Variants in ARHGAP39 observed in about 807,000 individuals in gnomAD.
ARHGAP39 encodes the protein rho GTPase-activating protein 39.
In ARHGAP39, 44 loss-of-function variants were observed where a neutral mutation model predicts 106.9. The ratio of observed to expected loss-of-function variants is 0.41; its 90% CI spans 0.32 to 0.53. The LOEUF (loss-of-function observed/expected upper bound fraction) is 0.53, where lower values mean the gene tolerates loss of function less well. Among genes scored for constraint, ARHGAP39 ranks in the 20% least tolerant of loss-of-function variants. The pLI, the probability that ARHGAP39 is intolerant of heterozygous loss-of-function variation, is 0.21. For missense variants in ARHGAP39, 1,496 were observed against 1,577.3 expected (o/e 0.95, Z 0.87); for synonymous variants, 768 against 693.2 (o/e 1.11, Z -1.69).
At chr8:144,534,321 T>A in intron 7 of ARHGAP39, 119 bp from the exon 8 acceptor site, 1 of 1,093,972 alleles carries the variant, frequency 9.1e-7, no homozygotes, top group East Asian at 2.4e-5. Flanking sequence ...CTTGCCCCGG[T>A]CACCCCCTGC....
chr8:144,654,912 C>A (rs368959012), intron 1 of ARHGAP39, among the ~76,000 whole-genome samples: 4 of 151,376 alleles, frequency 2.6e-5, no homozygotes, highest in African/African-American at 7.3e-5. Context: ...TCCTGCTCCA[C>A]GGAGCAGGCA....
intron 4 of ARHGAP39, among the ~76,000 whole-genome samples, chr8:144,553,869 G>A (rs2721159): frequency 0.019 from 2,933 of 152,346 alleles, 89 homozygotes; most frequent in African/African-American, 0.068. Context: ...CAATGCAGTG[G>A]CAAGGCCTCT....
intron 1 of ARHGAP39, among the ~76,000 whole-genome samples, chr8:144,622,369 C>T (rs532445795): frequency 2.0e-5 from 3 of 152,150 alleles, no homozygotes; most frequent in Admixed American, 6.5e-5. Context: ...CAGCCCCACC[C>T]GCCACAGGCT....
At chr8:144,620,954 C>T (rs939019856) in intron 1 of ARHGAP39, among the ~76,000 whole-genome samples, 1 of 152,282 alleles carries the variant, frequency 6.6e-6, no homozygotes, top group Non-Finnish European at 1.5e-5. Flanking sequence ...AAACGCCAGG[C>T]ACAGACCCGT....
At chr8:144,620,436 C>T (rs1440154465) in intron 1 of ARHGAP39, among the ~76,000 whole-genome samples, 1 of 101,912 alleles carries the variant, frequency 9.8e-6, no homozygotes. Flanking sequence ...CGTGTGTGCC[C>T]GTGTCTGTTA....
intron 6 of ARHGAP39, 124 bp downstream of exon 6, chr8:144,545,125 G>A (rs1586885473): frequency 2.3e-6 from 2 of 887,618 alleles, no homozygotes; most frequent in Middle Eastern, 3.7e-4. Flanking sequence ...TTTGGGAGGT[G>A]TGTGTCGAAC....
intron 1 of ARHGAP39, among the ~76,000 whole-genome samples, chr8:144,682,548 CAAAAAAA>C (rs1041779842): frequency 7.0e-4 from 49 of 70,194 alleles, no homozygotes; most frequent in Non-Finnish European, 1.3e-3. Context: ...GACTCTGTCT[CAAAAAAA>C]AAAAAAAAAA....
chr8:144,546,063 A>C (rs1234334314), intron 5 of ARHGAP39, among the ~76,000 whole-genome samples: 1 of 152,198 alleles, frequency 6.6e-6, no homozygotes, highest in African/African-American at 2.4e-5. Flanking sequence ...TGGGTGACCC[A>C]GGTGACCTGG....
intron 3 of ARHGAP39, among the ~76,000 whole-genome samples, chr8:144,564,013 G>T (rs1818302386): frequency 6.6e-6 from 1 of 152,144 alleles, no homozygotes; most frequent in African/African-American, 2.4e-5. Flanking sequence ...TTCCCATGGT[G>T]TCTAAAATTA....
chr8:144,630,316 T>C (rs1266815346), intron 1 of ARHGAP39, among the ~76,000 whole-genome samples: 3 of 152,238 alleles, frequency 2.0e-5, no homozygotes, highest in Non-Finnish European at 4.4e-5. Context: ...TGTCTGGAAA[T>C]GTCTTCATTC....
At chr8:144,657,611 T>C (rs1226429240) in intron 1 of ARHGAP39, among the ~76,000 whole-genome samples, 1 of 152,154 alleles carries the variant, frequency 6.6e-6, no homozygotes. Flanking sequence ...CTTTAGCAAA[T>C]TGAATCCAGC....
chr8:144,686,161 C>G (rs909016945), upstream of ARHGAP39, among the ~76,000 whole-genome samples: 2 of 151,998 alleles, frequency 1.3e-5, no homozygotes, highest in African/African-American at 4.8e-5. Context: ...GTAATTTTGC[C>G]CTCTCAAACC....
chr8:144,568,865 T>C (rs186049045), intron 3 of ARHGAP39, among the ~76,000 whole-genome samples: 1 of 149,612 alleles, frequency 6.7e-6, no homozygotes, highest in Admixed American at 6.6e-5. Flanking sequence ...GCTCGATTAG[T>C]GCAGAAGGAA....
At chr8:144,681,604 T>A (rs1298535234) in intron 1 of ARHGAP39, among the ~76,000 whole-genome samples, 1 of 152,176 alleles carries the variant, frequency 6.6e-6, no homozygotes, top group Non-Finnish European at 1.5e-5. Context: ...GAGGCTGCAT[T>A]CTCTGAACTA....
chr8:144,632,240 C>T (rs1821079511), intron 1 of ARHGAP39, among the ~76,000 whole-genome samples: 1 of 152,184 alleles, frequency 6.6e-6, no homozygotes, highest in South Asian at 2.1e-4. Context: ...GCTATAAGTT[C>T]ACAGAACAGG....
chr8:144,587,963 G>C (rs1254397116), intron 2 of ARHGAP39, among the ~76,000 whole-genome samples: 1 of 152,226 alleles, frequency 6.6e-6, no homozygotes, highest in Middle Eastern at 3.2e-3. Flanking sequence ...TTTTTACACA[G>C]ATCAGCCTCC....
upstream of ARHGAP39, among the ~76,000 whole-genome samples, chr8:144,688,787 A>G (rs1822686410): frequency 1.3e-5 from 2 of 152,212 alleles, no homozygotes; most frequent in South Asian, 4.1e-4. Flanking sequence ...GTGGTATAAC[A>G]TAGTAAAGAT....
chr8:144,628,290 G>A (rs989043936), intron 1 of ARHGAP39, among the ~76,000 whole-genome samples: 3 of 152,100 alleles, frequency 2.0e-5, no homozygotes, highest in East Asian at 3.9e-4. Context: ...TGGGCTGTCA[G>A]TGAACATTTG....
rs973134323 is a variant in ARHGAP39, at chr8:144,555,497, G to T, written c.596+63C>A. ...GCCAGGCACCTCCCACTTGCAGTTA[G>T]CCTGGCTCACTGAGGAAGCCGCCCT... On this transcript the variant is annotated intron_variant, in intron 4 of 11. Transcript: ENST00000377307. 14 of 1,418,028 alleles carry T rather than the reference G, an allele frequency of 9.9e-6. No individual in the cohort carries two copies. In the African/African-American group the frequency reaches 2.0e-4, roughly 20 times the overall value. The allele number at this position is 1,418,028 out of a possible 1,614,324, so 87.8% of individuals were successfully genotyped here.
Sources: gnomAD v4.1 joint callset for allele counts (sites outside exome capture counted in the v4.1 genomes callset) on GRCh38, gnomAD v4.1.1 for gene constraint, MANE v1.5 for transcripts, NCBI Gene and HGNC (gene_info 2026-07-23, HGNC 2026-07-21) for gene names.